Variants in CCDC141 observed in about 807,000 individuals in gnomAD.
CCDC141 encodes coiled-coil domain-containing protein 141.
In CCDC141, 168 loss-of-function variants were observed where a neutral mutation model predicts 181.0. The observed-to-expected ratio is 0.93, with a 90% CI of 0.82 to 1.05. The LOEUF (loss-of-function observed/expected upper bound fraction) is 1.05, where lower values mean the gene tolerates loss of function less well. Among genes scored for constraint, CCDC141 ranks in the 50% least tolerant of loss-of-function variants. CCDC141 has a pLI of 0.00. For missense variants in CCDC141, 1,902 were observed against 1,788.5 expected, an observed-to-expected ratio of 1.06 and a Z score of -1.14; for synonymous variants, 666 against 642.3, an observed-to-expected ratio of 1.04 and a Z score of -0.56.
At chr2:178,824,370 G>A in the CCDC141 span, among the ~76,000 whole-genome samples, 24 of 151,982 alleles carry the variant, frequency 1.6e-4, no homozygotes, top group Admixed American at 1.3e-3. Context: ...AGTGGCTCAC[G>A]CCAGCATTTT....
chr2:178,978,688 G>A lies in CCDC141; in HGVS notation c.226-13C>T. 2.0e-6 allele frequency: 3 copies of A among 1,509,604 alleles called. No individual in the cohort carries two copies. The highest frequency in any genetic ancestry group is 1.4e-5 in the African/African-American group (1 of 70,664). The allele number at this position is 1,509,604 out of a possible 1,614,324, so 93.5% of individuals were successfully genotyped here. A position where few individuals can be genotyped will look rare whatever the true frequency, so the allele number is the denominator to read the frequency against. On this transcript the variant is annotated splice_polypyrimidine_tract_variant and intron_variant, in intron 2 of 23. Transcript: ENST00000443758. ...GATCTTCCAAAGCCTAAGTACAAAAGAAAAAGGCATAAGGCAGGGTGTTAA... is the reference window on the plus strand; with the variant it reads ...GATCTTCCAAAGCCTAAGTACAAAAAAAAAAGGCATAAGGCAGGGTGTTAA...
intron 6 of CCDC141, among the ~76,000 whole-genome samples, chr2:178,919,186 C>T (rs1464795225): frequency 6.6e-6 from 1 of 152,080 alleles, no homozygotes; most frequent in African/African-American, 2.4e-5. Flanking sequence ...CTTCTCACAC[C>T]CAGGACAATG....
intron 22 of CCDC141, among the ~76,000 whole-genome samples, chr2:178,839,303 C>T (rs2154366014): frequency 1.3e-5 from 2 of 151,920 alleles, no homozygotes; most frequent in Admixed American, 1.3e-4. Context: ...GTCCCAGCTA[C>T]TCAGGAGGCT....
At chr2:178,984,990 C>T (rs2154381604) in intron 2 of CCDC141, among the ~76,000 whole-genome samples, 2 of 150,976 alleles carry the variant, frequency 1.3e-5, no homozygotes, top group Admixed American at 1.3e-4. Flanking sequence ...CAGAACTCTC[C>T]ACCCCAAATC....
At chr2:178,842,846 C>T (rs1684782626) in intron 22 of CCDC141, among the ~76,000 whole-genome samples, 1 of 152,054 alleles carries the variant, frequency 6.6e-6, no homozygotes, top group African/African-American at 2.4e-5. Context: ...TTTAGGTGGA[C>T]AAGGTAAAAG....
At chr2:178,955,803 C>T (rs538319903) in intron 5 of CCDC141, among the ~76,000 whole-genome samples, 121 of 152,264 alleles carry the variant, frequency 7.9e-4, no homozygotes, top group Non-Finnish European at 1.3e-3. Flanking sequence ...AAAAAAGATA[C>T]TACTTTTTGT....
chr2:178,935,941 T>C (rs1226940584), intron 6 of CCDC141, among the ~76,000 whole-genome samples: 1 of 151,166 alleles, frequency 6.6e-6, no homozygotes, highest in African/African-American at 2.4e-5. Flanking sequence ...TTTAATGGAG[T>C]TGTTTGTTTT....
chr2:179,004,166 G>T (rs561990142), intron 2 of CCDC141, among the ~76,000 whole-genome samples: 30 of 152,114 alleles, frequency 2.0e-4, no homozygotes, highest in Non-Finnish European at 3.5e-4. Context: ...AGAATGAAAT[G>T]TTGCATTTTG....
chr2:178,951,647 G>A (rs1285699900), intron 5 of CCDC141, among the ~76,000 whole-genome samples: 1 of 152,144 alleles, frequency 6.6e-6, no homozygotes, highest in Non-Finnish European at 1.5e-5. Context: ...CTACTCCCTG[G>A]CTAGTTTGGG....
intron 2 of CCDC141, among the ~76,000 whole-genome samples, chr2:179,020,152 A>G (rs140505560): frequency 1.8e-3 from 267 of 152,294 alleles, no homozygotes; most frequent in African/African-American, 6.1e-3. Flanking sequence ...AAAAAGTTCC[A>G]TAGAACGGGC....
chr2:179,029,295 A>G (rs1337782669), intron 2 of CCDC141, among the ~76,000 whole-genome samples: 7 of 152,174 alleles, frequency 4.6e-5, no homozygotes, highest in Admixed American at 1.3e-4. Flanking sequence ...AAATATTAAT[A>G]ATACCTCTTT....
rs1200657526 is a variant in CCDC141 at position 179,015,551 on chromosome 2, CATATCTCAT to C, written c.225+31724_225+31732del. Among the ~76,000 whole-genome samples the C allele has an allele frequency of 9.8e-3, 311 of 31,806 alleles. 2 individuals are homozygous for C. The highest frequency in any genetic ancestry group is 0.013 in the East Asian group (13 of 1,000). The allele number at this position is 31,806 out of a possible 152,430, so 20.9% of individuals were successfully genotyped here. On this transcript the variant is annotated intron_variant, in intron 2 of 23. Transcript: ENST00000443758. ...TCTCATATATATGATATATATATCT[CATATCTCAT>C]ATATATCTCATATATCTCATATATA...
At chr2:178,881,839 G>A (rs2154370135) in intron 11 of CCDC141, among the ~76,000 whole-genome samples, 1 of 151,202 alleles carries the variant, frequency 6.6e-6, no homozygotes, top group East Asian at 2.0e-4. Context: ...AGGCTGCAGT[G>A]AGCTGTGATC....
At chr2:178,984,966 C>A (rs1466319374) in intron 2 of CCDC141, among the ~76,000 whole-genome samples, 2 of 150,430 alleles carry the variant, frequency 1.3e-5, no homozygotes, top group African/African-American at 4.9e-5. Context: ...CCAAGCGGAC[C>A]TAATAGACAT....
the CCDC141 span, among the ~76,000 whole-genome samples, chr2:178,822,851 A>T: frequency 6.6e-6 from 1 of 152,236 alleles, no homozygotes; most frequent in East Asian, 1.9e-4. Context: ...TAACATGTAC[A>T]GCCAGTGTCA....
intron 6 of CCDC141, among the ~76,000 whole-genome samples, chr2:178,920,702 A>G (rs1575218662): frequency 3.2e-5 from 4 of 126,922 alleles, no homozygotes; most frequent in Admixed American, 1.9e-4. Flanking sequence ...CCATACACAC[A>G]CACACACACA....
downstream of CCDC141, among the ~76,000 whole-genome samples, chr2:178,825,086 C>T (rs1374029139): frequency 6.6e-6 from 1 of 152,044 alleles, no homozygotes; most frequent in Admixed American, 6.5e-5. Flanking sequence ...TTAGACAATA[C>T]AAAACAATTA....
intron 22 of CCDC141, among the ~76,000 whole-genome samples, chr2:178,842,085 G>A (rs1684749339): frequency 6.6e-6 from 1 of 152,018 alleles, no homozygotes; most frequent in South Asian, 2.1e-4. Flanking sequence ...AAAAAAATGT[G>A]TGTGTGTTAT....
intron 6 of CCDC141, among the ~76,000 whole-genome samples, chr2:178,934,574 T>G (rs749277644): frequency 2.0e-5 from 3 of 152,208 alleles, no homozygotes; most frequent in Non-Finnish European, 4.4e-5. Flanking sequence ...AGGTCGTATT[T>G]AAAAATCCTT....
Sources: allele counts gnomAD v4.1 joint callset (sites outside exome capture counted in the v4.1 genomes callset), GRCh38; gene constraint gnomAD v4.1.1; transcripts MANE v1.5; gene names NCBI Gene and HGNC (gene_info 2026-07-23, HGNC 2026-07-21).